The following BBS4 variants were observed in gnomAD, a reference collection of about 807,000 sequenced individuals.
BBS4 encodes Bardet-Biedl syndrome 4, also known as BBSome complex member BBS4.
Under a neutral mutation model 71.4 loss-of-function variants are expected in BBS4, and 58 were observed. The ratio of observed to expected loss-of-function variants is 0.81; its 90% CI spans 0.66 to 1.01. The LOEUF is 1.01. Among genes scored for constraint, BBS4 ranks in the 50% least tolerant of loss-of-function variants. BBS4 has a pLI of 0.00. For synonymous variants in BBS4, 228 were observed against 216.8 expected (o/e 1.05, Z -0.46); for missense variants, 660 against 607.9 (o/e 1.09, Z -0.90).
chr15:72,727,884 TGTCTTC>T, intron 8 of BBS4, 50 bp from the exon 9 acceptor site: 2 of 1,305,128 alleles, frequency 1.5e-6, no homozygotes, highest in South Asian at 2.4e-5. Context: ...ACTGTGCATG[TGTCTTC>T]GTGTTTCTCA....
intron 1 of BBS4, among the ~76,000 whole-genome samples, chr15:72,689,563 T>G (rs2064943298): frequency 6.6e-6 from 1 of 152,086 alleles, no homozygotes. Context: ...TGGAGCCCCA[T>G]TTCTACAAAA....
At chr15:72,732,804 G>T (rs2065850751) in intron 12 of BBS4, among the ~76,000 whole-genome samples, 1 of 152,210 alleles carries the variant, frequency 6.6e-6, no homozygotes, top group Non-Finnish European at 1.5e-5. Flanking sequence ...GGAGCAAGGG[G>T]TAAATGTGGG....
chr15:72,704,478 A>G (rs2065228708), intron 2 of BBS4: 2 of 1,282,248 alleles, frequency 1.6e-6, no homozygotes, highest in Non-Finnish European at 2.0e-6. Flanking sequence ...TTATATATTT[A>G]CAGGTAAAAT....
chr15:72,734,830 G>A (rs1403866814), intron 12 of BBS4, among the ~76,000 whole-genome samples: 3 of 152,178 alleles, frequency 2.0e-5, no homozygotes, highest in Non-Finnish European at 4.4e-5. Flanking sequence ...TGGAATGGAG[G>A]CAGGTGGGGA....
chr15:72,714,349 C>T (rs928622573), intron 4 of BBS4, among the ~76,000 whole-genome samples: 5 of 151,952 alleles, frequency 3.3e-5, no homozygotes, highest in African/African-American at 7.3e-5. Context: ...CCTCAGCCCC[C>T]CTATTAGCTG....
intron 2 of BBS4, chr15:72,697,951 T>C (rs1308540954): frequency 2.2e-6 from 1 of 455,940 alleles, no homozygotes; most frequent in Non-Finnish European, 4.4e-6. Context: ...TACATGAGGC[T>C]ACTGAAGTCC....
intron 6 of BBS4, among the ~76,000 whole-genome samples, chr15:72,719,486 ATCC>A (rs901270426): frequency 2.6e-5 from 4 of 151,878 alleles, no homozygotes; most frequent in African/African-American, 9.7e-5. Flanking sequence ...TCCTCAAGTG[ATCC>A]TCCTGCTTTA....
chr15:72,731,377 G>A lies in BBS4; in HGVS notation c.784G>A (p.Val262Met), dbSNP rs750598060. The change falls in exon 11 of 16, where the codon GTG (valine) becomes ATG (methionine). Residue 262 changes from valine to methionine, a missense_variant. Transcript: ENST00000268057. ...FDVALTKYRV[V>M]ACAVPESPPL... ...TGTTGCCCTCACCAAATACAGAGTT[G>A]TGGCTTGTGCTGTTCCAGAAAGTCC... 1.2e-6 allele frequency: 2 copies of A among 1,614,146 alleles called. No homozygotes were observed. The highest frequency in any genetic ancestry group is 1.7e-6 in the Non-Finnish European group (2 of 1,180,030).
At chr15:72,687,775 C>CA (rs1452931974) in intron 1 of BBS4, among the ~76,000 whole-genome samples, 2 of 150,530 alleles carry the variant, frequency 1.3e-5, no homozygotes, top group African/African-American at 2.4e-5. Flanking sequence ...TAAAAAAATA[C>CA]AAAAAATTAG....
intron 6 of BBS4, among the ~76,000 whole-genome samples, chr15:72,717,894 G>T (rs2065495297): frequency 6.6e-6 from 1 of 152,116 alleles, no homozygotes; most frequent in Non-Finnish European, 1.5e-5. Context: ...TGTTGCCCAG[G>T]CTGGAGTGCA....
At chr15:72,688,437 G>A (rs1216525035) in intron 1 of BBS4, among the ~76,000 whole-genome samples, 8 of 7,098 alleles carry the variant, frequency 1.1e-3, no homozygotes, top group South Asian at 4.8e-3. Flanking sequence ...TTTTTGAGAC[G>A]GAGTCTCACT....
At chr15:72,717,018 A>T (rs904716300) in intron 6 of BBS4, 168 bp downstream of exon 6, 1 of 636,988 alleles carries the variant, frequency 1.6e-6, no homozygotes, top group Non-Finnish European at 2.8e-6. Context: ...ATGTTTCCTC[A>T]TAACTTTGCA....
In BBS4 at chr15:72,728,003, A is replaced by C. The variant is rs747235218; in HGVS notation, c.642+9A>C. 4 of 1,603,162 alleles carry C rather than the reference A, an allele frequency of 2.5e-6. No homozygotes were observed. The highest frequency in any genetic ancestry group is 3.4e-6 in the Non-Finnish European group (4 of 1,170,094). On this transcript the variant is annotated intron_variant, in intron 9 of 15. Coordinates refer to ENST00000268057, the MANE Select transcript of BBS4 (RefSeq NM_033028.5). ...GATTACTCTACTTACAGGTAATGAA[A>C]ACTCTGTACTCATTCATGCACTGAT...
chr15:72,725,723 C>A (rs1280384797), intron 8 of BBS4, among the ~76,000 whole-genome samples: 1 of 96,162 alleles, frequency 1.0e-5, no homozygotes, highest in Non-Finnish European at 1.9e-5. Flanking sequence ...GTTTTCCCTT[C>A]CCCCTTTTCT....
At chr15:72,725,654 CTT>C (rs1157028945) in intron 8 of BBS4, among the ~76,000 whole-genome samples, 1 of 151,860 alleles carries the variant, frequency 6.6e-6, no homozygotes, top group African/African-American at 2.4e-5. Context: ...AGACCAGTAT[CTT>C]TTTTCCCCCT....
chr15:72,691,218 G>A (rs2064977766), intron 1 of BBS4, among the ~76,000 whole-genome samples: 1 of 152,088 alleles, frequency 6.6e-6, no homozygotes, highest in Admixed American at 6.6e-5. Context: ...CTGAACTCAA[G>A]CAATTGGCCT....
At chr15:72,695,128 G>T in intron 1 of BBS4, 49 bp from the exon 2 acceptor site, 1 of 1,342,860 alleles carries the variant, frequency 7.4e-7, no homozygotes, top group Non-Finnish European at 1.1e-6. Flanking sequence ...CTTTAAGTTA[G>T]CAAGTTTATA....
intron 13 of BBS4, 195 bp from the exon 14 acceptor site, chr15:72,735,630 C>T: frequency 1.4e-6 from 1 of 725,884 alleles, no homozygotes; most frequent in Non-Finnish European, 2.4e-6. Flanking sequence ...GGTCCCAATA[C>T]CAGCTTTGCT....
At chr15:72,721,624 A>AT (rs1276087715) in intron 6 of BBS4, among the ~76,000 whole-genome samples, 1 of 152,240 alleles carries the variant, frequency 6.6e-6, no homozygotes, top group African/African-American at 2.4e-5. Context: ...AACATCTGGC[A>AT]TAAAGCCTGA....
Sources: gnomAD v4.1 joint callset for allele counts (sites outside exome capture counted in the v4.1 genomes callset) on GRCh38, gnomAD v4.1.1 for gene constraint, MANE v1.5 for transcripts, NCBI Gene and HGNC (gene_info 2026-07-23, HGNC 2026-07-21) for gene names.